The following NUP214 variants were observed in gnomAD, a reference collection of about 807,000 sequenced individuals.
The protein encoded by NUP214 is nuclear pore complex protein Nup214.
A neutral mutation model predicts 196.2 loss-of-function variants in NUP214; 79 were observed. That is an observed-to-expected ratio of 0.40 (90% CI 0.34 to 0.49). The LOEUF is 0.49. Ranked by LOEUF, NUP214 falls within the 20% of genes least tolerant of loss-of-function variation. The pLI is 0.58. For synonymous variants in NUP214, 1,020 were observed against 990.5 expected (o/e 1.03, Z -0.56); for missense variants, 2,468 against 2,539.0 (o/e 0.97, Z 0.60).
At chr9:131,222,703 A>T in intron 31 of NUP214, 75 bp from the exon 32 acceptor site, 7 of 1,511,950 alleles carry the variant, frequency 4.6e-6, no homozygotes, top group Non-Finnish European at 6.2e-6. Flanking sequence ...CCCAACTGAG[A>T]CTTTTTCTGT....
intron 24 of NUP214, among the ~76,000 whole-genome samples, chr9:131,180,217 T>C (rs1006665847): frequency 3.5e-4 from 54 of 152,208 alleles, no homozygotes; most frequent in African/African-American, 1.3e-3. Flanking sequence ...AGAATTAGAC[T>C]CTGGTATAAT....
Position 131,164,097 on chromosome 9 carries a change from A to G in NUP214, c.2846A>G (p.Asn949Ser), listed in dbSNP as rs773639961. 1 of 1,614,132 alleles carries G rather than the reference A, an allele frequency of 6.2e-7. No homozygotes were observed. The part of the protein sequence containing the change: ...LSPMKQAQLR[N>S]FLAKRKTPPV... ...CCCATGAAACAGGCACAACTGAGAA[A>G]CTTCTTGGCCAAGAGGAAGACCCCA... is the stretch of plus-strand genomic sequence containing the variant. The change falls in exon 21 of 36, where the codon AAC becomes AGC. Residue 949 changes from asparagine (N) to serine (S), a missense_variant. Coordinates refer to ENST00000359428, the MANE Select transcript of NUP214 (RefSeq NM_005085.4).
chr9:131,128,108 C>A (rs1223208601), intron 2 of NUP214, among the ~76,000 whole-genome samples: 1 of 152,162 alleles, frequency 6.6e-6, no homozygotes, highest in African/African-American at 2.4e-5. Flanking sequence ...ACAAGGGCAG[C>A]AGCCACAGTT....
At chr9:131,209,994 A>G (rs1834193496) in intron 30 of NUP214, among the ~76,000 whole-genome samples, 1 of 152,228 alleles carries the variant, frequency 6.6e-6, no homozygotes, top group Non-Finnish European at 1.5e-5. Flanking sequence ...AGGTGAGCTC[A>G]GTCTTCTTAA....
chr9:131,160,080 A>C (rs369501283), intron 18 of NUP214, among the ~76,000 whole-genome samples: 21 of 152,078 alleles, frequency 1.4e-4, no homozygotes, highest in Admixed American at 3.9e-4. Context: ...TTTTTTTCTT[A>C]ACTACAGAAT....
At position 131,134,957 on chromosome 9, in the gene NUP214, C is replaced by T. The variant is rs761476826; in HGVS notation, c.891C>T (p.Ser297=). 1 of 1,613,410 alleles carries T rather than the reference C, an allele frequency of 6.2e-7. No homozygotes were observed. The highest frequency in any genetic ancestry group is 8.5e-7 in the Non-Finnish European group (1 of 1,179,782). The change falls in exon 8 of 36, where the codon AGC becomes AGT. Residue 297 remains serine (S), a synonymous_variant. Transcript: ENST00000359428. ...FVNFMEPCYG[S]CTERQHHYYL... is the part of the protein sequence containing the mutation. ...ACTTTATGGAGCCCTGTTATGGCAG[C>T]TGCACGGAGAGACAGCATCATTACT...
Position 131,194,168 on chromosome 9 carries a change from C to CGTGTGTGTGTGTGTGTGTGTGT in NUP214, c.3660-1050_3660-1049insTGTGTGTGTGTGTGTGTGTGTG, listed in dbSNP as rs555926078. On this transcript the variant is annotated intron_variant, in intron 27 of 35. Coordinates refer to ENST00000359428, the MANE Select transcript of NUP214 (RefSeq NM_005085.4). ...TTTGAAATCTGCAATTTGAACTTTG[C>CGTGTGTGTGTGTGTGTGTGTGT]GTGTGTGTGTGTGTGAGATAGAGCA... The CGTGTGTGTGTGTGTGTGTGTGT allele has an allele frequency of 1.7e-3, 247 of 142,850 alleles. 3 individuals carry two copies. The highest frequency in any genetic ancestry group is 6.1e-3 in the African/African-American group (236 of 38,430). 8.8% of individuals were successfully genotyped at this position (142,850 alleles called of 1,614,324 possible). A position where few individuals can be genotyped will look rare whatever the true frequency, so the allele number is the denominator to read the frequency against.
intron 8 of NUP214, among the ~76,000 whole-genome samples, chr9:131,135,528 C>T (rs749578549): frequency 6.6e-6 from 1 of 152,136 alleles, no homozygotes; most frequent in African/African-American, 2.4e-5. Flanking sequence ...TTCTCAATAA[C>T]CCCTAGTGAT....
At chr9:131,203,170 C>G (rs755005821) in intron 30 of NUP214, among the ~76,000 whole-genome samples, 1 of 151,976 alleles carries the variant, frequency 6.6e-6, no homozygotes, top group Non-Finnish European at 1.5e-5. Flanking sequence ...TGGTCTCGAT[C>G]TCCTGATCTC....
In NUP214 at chr9:131,234,293, T is replaced by C. The variant is rs1834956100; in HGVS notation, c.*806T>C. The C allele has an allele frequency of 4.3e-6, 1 of 232,850 alleles. No homozygotes were observed. Among genetic ancestry groups the C allele is most frequent in the South Asian group, 1.8e-4 (1 of 5,524 alleles). 14.4% of individuals were successfully genotyped at this position (232,850 alleles called of 1,614,324 possible). On this transcript the variant is annotated 3_prime_UTR_variant, in exon 36 of 36. Coordinates refer to ENST00000359428, the MANE Select transcript of NUP214 (RefSeq NM_005085.4). Reference sequence around the variant, plus strand: ...CTACTAACCACAGTGCAGATAGCCCTTGGGTAGACCCAGGAAGTGTGAAGA... The same window carrying C: ...CTACTAACCACAGTGCAGATAGCCCCTGGGTAGACCCAGGAAGTGTGAAGA...
intron 26 of NUP214, chr9:131,190,739 A>G: frequency 3.0e-6 from 1 of 330,446 alleles, no homozygotes; most frequent in Non-Finnish European, 5.4e-6. Flanking sequence ...TATTCCAGAG[A>G]TCATGATTTC....
chr9:131,201,844 C>G, intron 30 of NUP214, 127 bp downstream of exon 30: 1 of 781,618 alleles, frequency 1.3e-6, no homozygotes, highest in Non-Finnish European at 2.2e-6. Context: ...GGTTCTTAAG[C>G]TGTACTCCCT....
intron 30 of NUP214, 73 bp downstream of exon 30, chr9:131,201,790 C>G (rs1236141436): frequency 1.6e-6 from 2 of 1,277,196 alleles, no homozygotes; most frequent in Non-Finnish European, 2.3e-6. Context: ...GTAATGTAGT[C>G]AGTTCGTGTT....
Position 131,223,735 on chromosome 9 carries a change from T to TTATTTA in NUP214, c.5902+806_5902+807insATTTAT, listed in dbSNP as rs1353238432. Among the ~76,000 whole-genome samples the TTATTTA allele has an allele frequency of 2.0e-3, 26 of 13,140 alleles. 1 individual carries two copies. Among genetic ancestry groups the TTATTTA allele is most frequent in the East Asian group, 7.8e-3 (1 of 128 alleles). 8.6% of individuals were successfully genotyped at this position (13,140 alleles called of 152,430 possible). ...TTTTTATTTATTTATTTATTTTTTT[T>TTATTTA]TTTTTTTTTTTTTTTTTGAGACGGA... On this transcript the variant is annotated intron_variant, in intron 32 of 35. Transcript: ENST00000359428.
chr9:131,180,719 T>C (rs1437936623), intron 24 of NUP214, among the ~76,000 whole-genome samples: 1 of 152,216 alleles, frequency 6.6e-6, no homozygotes, highest in Admixed American at 6.5e-5. Context: ...GCGTCTGCTG[T>C]GAGCATGATA....
intron 33 of NUP214, 27 bp downstream of exon 33, chr9:131,228,358 G>A: frequency 1.3e-6 from 2 of 1,553,106 alleles, no homozygotes; most frequent in African/African-American, 2.8e-5. Context: ...GGGCCCTTGG[G>A]AACCCACACG....
chr9:131,174,324 TAAACAGTGGG>T lies in NUP214; in HGVS notation c.3157+10_3157+19del, dbSNP rs1434840107. ...TGGTGTGATGGGAACTTCAGGTAAG[TAAACAGTGGG>T]AAAGGAAACTGTTTTTCCCTATGAT... On this transcript the variant is annotated splice_region_variant and intron_variant, in intron 22 of 35. Coordinates refer to ENST00000359428, the MANE Select transcript of NUP214 (RefSeq NM_005085.4). 1 of 1,605,188 alleles carries T rather than the reference TAAACAGTGGG, an allele frequency of 6.2e-7. No homozygotes were observed. Among genetic ancestry groups the T allele is most frequent in the Non-Finnish European group, 8.5e-7 (1 of 1,177,816 alleles).
At position 131,151,724 on chromosome 9, in the gene NUP214, T is replaced by C. The variant is rs1385168646; in HGVS notation, c.2278-12T>C. 1 of 1,596,496 alleles carries C rather than the reference T, an allele frequency of 6.3e-7. No homozygotes were observed. Among genetic ancestry groups the C allele is most frequent in the Non-Finnish European group, 8.5e-7 (1 of 1,174,930 alleles). ...AACTTTTTGTACCAACACATTATTGTACTTTTTCTAGTCGCTTCATGGAGA... is the reference window on the plus strand; with the variant it reads ...AACTTTTTGTACCAACACATTATTGCACTTTTTCTAGTCGCTTCATGGAGA... On this transcript the variant is annotated splice_polypyrimidine_tract_variant and intron_variant, in intron 16 of 35. Transcript: ENST00000359428.
At chr9:131,203,265 A>G (rs917279923) in intron 30 of NUP214, among the ~76,000 whole-genome samples, 1 of 152,120 alleles carries the variant, frequency 6.6e-6, no homozygotes, top group African/African-American at 2.4e-5. Flanking sequence ...CTTTTATACA[A>G]ATTAACTCAT....
Sources: allele counts gnomAD v4.1 joint callset (sites outside exome capture counted in the v4.1 genomes callset), GRCh38; gene constraint gnomAD v4.1.1; transcripts MANE v1.5; gene names NCBI Gene and HGNC (gene_info 2026-07-23, HGNC 2026-07-21).